Variants in ACVR1C observed in about 807,000 individuals in gnomAD.
The protein encoded by ACVR1C is activin A receptor type 1C, also known as activin receptor type-1C.
Under a neutral mutation model 57.9 loss-of-function variants are expected in ACVR1C, and 23 were observed. The observed-to-expected ratio is 0.40, with a 90% confidence interval of 0.29 to 0.56. The LOEUF (loss-of-function observed/expected upper bound fraction) is 0.56. Among genes scored for constraint, ACVR1C ranks in the 20% least tolerant of loss-of-function variants. ACVR1C has a pLI of 0.50. For missense variants in ACVR1C, 480 were observed against 607.9 expected (o/e 0.79, Z 2.21); for synonymous variants, 214 against 215.3 (o/e 0.99, Z 0.05).
In ACVR1C at chr2:157,550,190, G is replaced by A. The variant is rs766024223; in HGVS notation, c.747C>T (p.Ile249=). 1.4e-5 allele frequency: 23 copies of A among 1,613,890 alleles called. No homozygotes were observed. The highest frequency in any genetic ancestry group is 1.8e-5 in the Non-Finnish European group (21 of 1,179,990). Residue 249 remains isoleucine (I), a synonymous_variant, in exon 4 of 9, where the codon ATC becomes ATT. Coordinates refer to ENST00000243349, the MANE Select transcript of ACVR1C (RefSeq NM_145259.3). The stretch of plus-strand genomic sequence containing the variant: ...TGTTGTCAGCAGCAATGAAACCAAG[G>A]ATGTTTTCATGTCGCAGCATGACCG... ...YQTVMLRHEN[I]LGFIAADNKD... is the part of the protein sequence containing the mutation.
Position 157,586,444 on chromosome 2 carries a change from T to C in ACVR1C, c.304+743A>G, listed in dbSNP as rs910748913. On this transcript the variant is annotated intron_variant, in intron 2 of 8. Coordinates refer to ENST00000243349, the MANE Select transcript of ACVR1C (RefSeq NM_145259.3). ...ATCTGTATTGATAATCATTAAATTA[T>C]TGTTATATTAAAAATCTTAAAGAAA... is the stretch of plus-strand genomic sequence containing the variant. Among the ~76,000 whole-genome samples, 7 of 152,252 alleles carry C rather than the reference T, an allele frequency of 4.6e-5. No homozygotes were observed. In the South Asian group the frequency reaches 1.0e-3, roughly 23 times the overall value.
chr2:157,565,937 G>A (rs570880265), intron 2 of ACVR1C, among the ~76,000 whole-genome samples: 19 of 152,242 alleles, frequency 1.2e-4, no homozygotes, highest in Admixed American at 5.2e-4. Flanking sequence ...TTGGATTAAG[G>A]AATATAATCG....
At chr2:157,610,145 T>A (rs762260934) in intron 1 of ACVR1C, among the ~76,000 whole-genome samples, 2 of 152,178 alleles carry the variant, frequency 1.3e-5, no homozygotes, top group Non-Finnish European at 1.5e-5. Flanking sequence ...GTGAGTTTTA[T>A]ACTTTCATGT....
intron 2 of ACVR1C, among the ~76,000 whole-genome samples, chr2:157,579,332 C>T (rs1005726586): frequency 7.9e-5 from 12 of 152,282 alleles, no homozygotes; most frequent in Non-Finnish European, 1.5e-4. Context: ...TCTCTATATA[C>T]TGCATACAAA....
intron 1 of ACVR1C, among the ~76,000 whole-genome samples, chr2:157,587,734 T>C (rs1417137051): frequency 2.0e-5 from 3 of 152,000 alleles, no homozygotes; most frequent in Non-Finnish European, 4.4e-5. Flanking sequence ...CAATAGCTCC[T>C]AGGAAATGCT....
intron 4 of ACVR1C, among the ~76,000 whole-genome samples, chr2:157,549,597 C>T (rs1687860739): frequency 6.6e-6 from 1 of 152,110 alleles, no homozygotes; most frequent in Non-Finnish European, 1.5e-5. Context: ...TCCCATCACT[C>T]ATTTGCCCTG....
At chr2:157,538,091 T>C (rs896063400) in intron 8 of ACVR1C, among the ~76,000 whole-genome samples, 34 of 152,308 alleles carry the variant, frequency 2.2e-4, no homozygotes, top group African/African-American at 8.2e-4. Context: ...TTCCCTGCAG[T>C]GCCTAGCCCC....
chr2:157,551,083 A>G, intron 3 of ACVR1C, among the ~76,000 whole-genome samples: 1 of 152,220 alleles, frequency 6.6e-6, no homozygotes, highest in East Asian at 1.9e-4. Context: ...AAGATGTTTA[A>G]TATCTTATTA....
At chr2:157,536,547 A>G (rs1222889796) in intron 8 of ACVR1C, among the ~76,000 whole-genome samples, 2 of 152,184 alleles carry the variant, frequency 1.3e-5, no homozygotes, top group East Asian at 3.9e-4. Context: ...CTAAATTTCT[A>G]TGGTTAGACA....
intron 2 of ACVR1C, among the ~76,000 whole-genome samples, chr2:157,581,698 G>A (rs887012025): frequency 2.0e-5 from 3 of 152,170 alleles, no homozygotes; most frequent in East Asian, 1.9e-4. Flanking sequence ...AGAGAGGCAA[G>A]GATCCACTTG....
rs1400917997 is a variant in ACVR1C at position 157,565,408 on chromosome 2, T to C, written c.305-9076A>G. Among the ~76,000 whole-genome samples, 4 of 152,114 alleles carry C rather than the reference T, an allele frequency of 2.6e-5. 1 individual carries two copies. The highest frequency in any genetic ancestry group is 4.1e-4 in the South Asian group (2 of 4,826). On this transcript the variant is annotated intron_variant, in intron 2 of 8. Coordinates refer to ENST00000243349, the MANE Select transcript of ACVR1C (RefSeq NM_145259.3). ...AATGGTCACTTCTTCGTAGTGACCA[T>C]TGTAAATTTCACCAAGAATCATCCA...
rs760104402 is a variant in ACVR1C at position 157,550,193 on chromosome 2, G to A, written c.744C>T (p.Asn248=). The change falls in exon 4 of 9, where the codon AAC becomes AAT. Residue 248 remains asparagine, a synonymous_variant. Coordinates refer to ENST00000243349, the MANE Select transcript of ACVR1C (RefSeq NM_145259.3). The part of the protein sequence containing the change: ...IYQTVMLRHE[N]ILGFIAADNK... ...TGTCAGCAGCAATGAAACCAAGGAT[G>A]TTTTCATGTCGCAGCATGACCGTCT... The A allele has an allele frequency of 3.7e-6, 6 of 1,613,982 alleles. No homozygotes were observed. The Admixed American group carries it at 8.3e-5, about 22-fold the overall frequency.
chr2:157,542,476 CACT>C (rs1687646552), intron 6 of ACVR1C, among the ~76,000 whole-genome samples: 1 of 152,158 alleles, frequency 6.6e-6, no homozygotes, highest in African/African-American at 2.4e-5. Context: ...CATTTCTCTC[CACT>C]GGACTCTGTA....
chr2:157,604,533 A>G (rs1467083660), intron 1 of ACVR1C, among the ~76,000 whole-genome samples: 1 of 152,052 alleles, frequency 6.6e-6, no homozygotes, highest in Non-Finnish European at 1.5e-5. Context: ...AATCTGTAAT[A>G]AACATTAATA....
At chr2:157,593,856 CTT>C (rs528149461) in intron 1 of ACVR1C, among the ~76,000 whole-genome samples, 62 of 152,222 alleles carry the variant, frequency 4.1e-4, no homozygotes, top group Admixed American at 3.9e-3. Context: ...TAAATGCAAA[CTT>C]TTTTGGCCAA....
At chr2:157,554,268 A>AAAGG (rs1160617438) in intron 3 of ACVR1C, among the ~76,000 whole-genome samples, 1,722 of 113,368 alleles carry the variant, frequency 0.015, 66 homozygotes, top group African/African-American at 0.035. Flanking sequence ...AGAAAGAAAG[A>AAAGG]AAGGAAGGAA....
chr2:157,585,871 A>C (rs1688910604), intron 2 of ACVR1C, among the ~76,000 whole-genome samples: 1 of 152,164 alleles, frequency 6.6e-6, no homozygotes, highest in Non-Finnish European at 1.5e-5. Context: ...AAATATGCCA[A>C]GTATAACTTT....
intron 1 of ACVR1C, among the ~76,000 whole-genome samples, chr2:157,616,353 A>G (rs1429521762): frequency 6.6e-6 from 1 of 152,148 alleles, no homozygotes; most frequent in Non-Finnish European, 1.5e-5. Flanking sequence ...ATTGATGAGC[A>G]CACCAAAGGC....
intron 1 of ACVR1C, among the ~76,000 whole-genome samples, chr2:157,597,083 G>A (rs566663993): frequency 6.6e-6 from 1 of 152,272 alleles, no homozygotes; most frequent in African/African-American, 2.4e-5. Context: ...CTGCCGTTCG[G>A]AGGACGAGTC....
Sources: allele counts gnomAD v4.1 joint callset (sites outside exome capture counted in the v4.1 genomes callset), GRCh38; gene constraint gnomAD v4.1.1; transcripts MANE v1.5; gene names NCBI Gene and HGNC (gene_info 2026-07-23, HGNC 2026-07-21).